The following ZBTB16 variants were observed in gnomAD, a reference collection of about 807,000 sequenced individuals.
ZBTB16 encodes the protein zinc finger and BTB domain-containing protein 16.
ZBTB16 carries 8 observed loss-of-function variants against 56.8 expected under a neutral mutation model. That is an observed-to-expected ratio of 0.14 (90% confidence interval 0.08 to 0.25). The LOEUF (loss-of-function observed/expected upper bound fraction) is 0.25. Ranked by LOEUF, ZBTB16 falls within the 10% of genes least tolerant of loss-of-function variation. The pLI is 1.00. For missense variants in ZBTB16, 625 were observed against 903.0 expected, an observed-to-expected ratio of 0.69 and a Z score of 3.95; for synonymous variants, 363 against 368.5, an observed-to-expected ratio of 0.98 and a Z score of 0.17.
intron 4 of ZBTB16, among the ~76,000 whole-genome samples, chr11:114,208,744 C>G (rs1335875821): frequency 6.6e-6 from 1 of 152,122 alleles, no homozygotes; most frequent in Non-Finnish European, 1.5e-5. Context: ...AAATGCTGTA[C>G]AAGAGCAAGT....
intron 2 of ZBTB16, among the ~76,000 whole-genome samples, chr11:114,086,172 A>G (rs796249478): frequency 9.8e-5 from 15 of 152,300 alleles, no homozygotes; most frequent in African/African-American, 3.6e-4. Context: ...TACCCTTTGC[A>G]AACATTACGC....
At chr11:114,239,410 G>A (rs1944656656) in intron 4 of ZBTB16, among the ~76,000 whole-genome samples, 2 of 152,114 alleles carry the variant, frequency 1.3e-5, no homozygotes, top group Admixed American at 6.5e-5. Context: ...TGGGGTGGGG[G>A]TTAAGGGCAG....
At chr11:114,112,279 A>C (rs548327855) in intron 2 of ZBTB16, among the ~76,000 whole-genome samples, 1 of 152,188 alleles carries the variant, frequency 6.6e-6, no homozygotes, top group Non-Finnish European at 1.5e-5. Context: ...GGTTCCTTTC[A>C]TCACAGAACA....
intron 4 of ZBTB16, among the ~76,000 whole-genome samples, chr11:114,190,297 G>T (rs1943461946): frequency 6.6e-6 from 1 of 152,116 alleles, no homozygotes; most frequent in South Asian, 2.1e-4. Context: ...ACTGTGTCCT[G>T]ATAAACCCAT....
At chr11:114,077,383 G>A (rs546910932) in intron 2 of ZBTB16, among the ~76,000 whole-genome samples, 12 of 152,160 alleles carry the variant, frequency 7.9e-5, no homozygotes, top group East Asian at 1.9e-4. Context: ...GCCACCTCCC[G>A]CCTCTTTCCC....
chr11:114,174,993 AG>A (rs765296175), intron 3 of ZBTB16, among the ~76,000 whole-genome samples: 1 of 152,212 alleles, frequency 6.6e-6, no homozygotes, highest in Non-Finnish European at 1.5e-5. Flanking sequence ...ATGTTAGCTC[AG>A]CTACCCACTA....
chr11:114,218,603 A>G (rs1944160908), intron 4 of ZBTB16, among the ~76,000 whole-genome samples: 1 of 152,218 alleles, frequency 6.6e-6, no homozygotes. Flanking sequence ...TTTGCCTTCA[A>G]GGTCAAGATC....
chr11:114,199,365 C>T (rs1943681646), intron 4 of ZBTB16, among the ~76,000 whole-genome samples: 1 of 144,624 alleles, frequency 6.9e-6, no homozygotes, highest in African/African-American at 2.6e-5. Flanking sequence ...GACGGGGCTG[C>T]TGGACATGGA....
intron 4 of ZBTB16, among the ~76,000 whole-genome samples, chr11:114,227,663 G>T (rs1288428338): frequency 6.6e-6 from 1 of 152,086 alleles, no homozygotes; most frequent in Non-Finnish European, 1.5e-5. Flanking sequence ...GACTAAGGCT[G>T]GGCCTCCTGT....
chr11:114,110,523 AAAG>A (rs1213638577), intron 2 of ZBTB16, among the ~76,000 whole-genome samples: 2 of 152,202 alleles, frequency 1.3e-5, no homozygotes, highest in Non-Finnish European at 2.9e-5. Flanking sequence ...ATGCAGATTT[AAAG>A]AAGGAGGGCC....
At chr11:114,107,986 T>G (rs953602656) in intron 2 of ZBTB16, among the ~76,000 whole-genome samples, 1 of 152,054 alleles carries the variant, frequency 6.6e-6, no homozygotes, top group Non-Finnish European at 1.5e-5. Flanking sequence ...CCACCTTTAT[T>G]ATGATGATTA....
intron 4 of ZBTB16, 130 bp from the exon 5 acceptor site, chr11:114,242,037 A>G (rs1028338715): frequency 8.0e-7 from 1 of 1,245,842 alleles, no homozygotes. Flanking sequence ...GCCTGGGCCC[A>G]CTCTGGATTT....
chr11:114,198,766 G>A (rs959407658), intron 4 of ZBTB16, among the ~76,000 whole-genome samples: 1 of 152,154 alleles, frequency 6.6e-6, no homozygotes, highest in East Asian at 1.9e-4. Context: ...GTCACCCAGG[G>A]CCCACAGTTC....
At chr11:114,157,535 C>G (rs535731969) in intron 3 of ZBTB16, among the ~76,000 whole-genome samples, 1 of 152,140 alleles carries the variant, frequency 6.6e-6, no homozygotes, top group Non-Finnish European at 1.5e-5. Context: ...CCTGTTGCCC[C>G]GGGGGGCGTG....
intron 2 of ZBTB16, among the ~76,000 whole-genome samples, chr11:114,094,902 C>T (rs1410513902): frequency 6.6e-6 from 1 of 152,250 alleles, no homozygotes; most frequent in Non-Finnish European, 1.5e-5. Flanking sequence ...TTCACTGATC[C>T]TTCAACCAGC....
chr11:114,226,708 C>A lies in ZBTB16; in HGVS notation c.1454-15459C>A, dbSNP rs1944333667. 3.3e-5 allele frequency among the ~76,000 whole-genome samples: 5 copies of A among 152,258 alleles called. No individual in the cohort carries two copies. In the South Asian group the frequency reaches 1.0e-3, roughly 32 times the overall value. On this transcript the variant is annotated intron_variant, in intron 4 of 6. Coordinates refer to ENST00000335953, the MANE Select transcript of ZBTB16 (RefSeq NM_006006.6). ...CCACGCTGCCCATGAGGAGCATGCA[C>A]ACCACCTGACATGACCTTGAACTCC... is the stretch of plus-strand genomic sequence containing the variant.
intron 4 of ZBTB16, chr11:114,188,445 T>G (rs1943414728): frequency 6.6e-6 from 1 of 152,362 alleles, no homozygotes; most frequent in East Asian, 1.9e-4. Context: ...ACTCTCTTAA[T>G]TTAGATTTCT....
intron 2 of ZBTB16, among the ~76,000 whole-genome samples, chr11:114,121,028 T>G (rs1035678033): frequency 1.3e-5 from 2 of 152,218 alleles, no homozygotes; most frequent in Non-Finnish European, 2.9e-5. Flanking sequence ...CAATCAGGGA[T>G]GCTCACTTGC....
chr11:114,175,677 C>G (rs918273236), intron 3 of ZBTB16, among the ~76,000 whole-genome samples: 2 of 152,072 alleles, frequency 1.3e-5, no homozygotes, highest in Admixed American at 1.3e-4. Flanking sequence ...TGAGAGGACT[C>G]GGCATTCTCT....
Sources: gnomAD v4.1 joint callset for allele counts (sites outside exome capture counted in the v4.1 genomes callset) on GRCh38, gnomAD v4.1.1 for gene constraint, MANE v1.5 for transcripts, NCBI Gene and HGNC (gene_info 2026-07-23, HGNC 2026-07-21) for gene names.